The following NR2E1 variants were observed in gnomAD, a reference collection of about 807,000 sequenced individuals.
NR2E1 encodes the protein nuclear receptor TLX.
A neutral mutation model predicts 43.6 loss-of-function variants in NR2E1; 5 were observed. That is an observed-to-expected ratio of 0.11 (90% CI 0.06 to 0.24). The LOEUF (loss-of-function observed/expected upper bound fraction) is 0.24. NR2E1 is among the 10% of genes least tolerant of loss of function. The pLI is 1.00. For synonymous variants in NR2E1, 191 were observed against 195.5 expected, an observed-to-expected ratio of 0.98 and a Z score of 0.19; for missense variants, 287 against 496.7, an observed-to-expected ratio of 0.58 and a Z score of 4.01.
intron 4 of NR2E1, among the ~76,000 whole-genome samples, chr6:108,177,677 T>C (rs1773922055): frequency 1.3e-5 from 2 of 152,262 alleles, no homozygotes; most frequent in Admixed American, 6.5e-5. Flanking sequence ...ATACTAATCC[T>C]TTCTAAAAAT....
At position 108,188,539 on chromosome 6, in the gene NR2E1, A is replaced by G. The variant is rs1774113409; in HGVS notation, c.*1076A>G. The G allele has an allele frequency of 6.5e-6, 1 of 152,758 alleles. No individual in the cohort carries two copies. 9.5% of individuals were successfully genotyped at this position (152,758 alleles called of 1,614,324 possible). On this transcript the variant is annotated 3_prime_UTR_variant, in exon 9 of 9. Transcript: ENST00000368986. ...CACACACACACACACACACACACAC[A>G]CACACACACACACCGTCCTACACTT...
chr6:108,183,077 A>G (rs1774018361), intron 8 of NR2E1, among the ~76,000 whole-genome samples: 1 of 152,184 alleles, frequency 6.6e-6, no homozygotes, highest in Admixed American at 6.5e-5. Context: ...GTGTCATAAC[A>G]TCTACCAGGT....
intron 8 of NR2E1, among the ~76,000 whole-genome samples, chr6:108,182,604 G>A (rs1774010325): frequency 6.7e-6 from 1 of 148,934 alleles, no homozygotes; most frequent in Non-Finnish European, 1.5e-5. Flanking sequence ...TTTCACCCAG[G>A]CTGGAGTGTA....
intron 2 of NR2E1, among the ~76,000 whole-genome samples, chr6:108,173,931 G>T (rs1032355560): frequency 8.5e-5 from 13 of 152,122 alleles, no homozygotes; most frequent in Admixed American, 6.5e-5. Context: ...AATTTCTCAT[G>T]CATCTCAGAT....
intron 2 of NR2E1, among the ~76,000 whole-genome samples, chr6:108,174,559 C>T (rs1450227705): frequency 6.6e-6 from 1 of 152,134 alleles, no homozygotes; most frequent in African/African-American, 2.4e-5. Flanking sequence ...ACCCGGCTCT[C>T]TAAGCTTCAC....
rs1582440636 is a variant in NR2E1 at position 108,169,243 on chromosome 6, G to C, written c.26-2215G>C. On this transcript the variant is annotated intron_variant, in intron 1 of 8. Coordinates refer to ENST00000368986, the MANE Select transcript of NR2E1 (RefSeq NM_003269.5). The surrounding 1 kb of genome is among the most constrained non-coding windows in gnomAD (Gnocchi z 6.1). ...CGGTTGCCTGTTTCTAATCTGCCCC[G>C]GGAGCCGCGGCTCAGAGGTCTGCTC... Among the ~76,000 whole-genome samples, 1 of 152,144 alleles carries C rather than the reference G, an allele frequency of 6.6e-6. No individual in the cohort carries two copies. The highest frequency in any genetic ancestry group is 6.5e-5 in the Admixed American group (1 of 15,288).
At position 108,166,551 on chromosome 6, in the gene NR2E1, C is replaced by T; in HGVS notation, c.-215C>T. On this transcript the variant is annotated 5_prime_UTR_variant, in exon 1 of 9. Coordinates refer to ENST00000368986, the MANE Select transcript of NR2E1 (RefSeq NM_003269.5). The surrounding 1 kb of genome is among the most constrained non-coding windows in gnomAD (Gnocchi z 7.2). ...CCAGCAGCTGCGGTTTTGCAAGAGC[C>T]GGGAAGAAACTTAAGGATGCTTAAA... 1 of 506,094 alleles carries T rather than the reference C, an allele frequency of 2.0e-6. No individual in the cohort carries two copies. The highest frequency in any genetic ancestry group is 3.4e-6 in the Non-Finnish European group (1 of 291,912). 31.4% of individuals were successfully genotyped at this position (506,094 alleles called of 1,614,324 possible). A position where few individuals can be genotyped will look rare whatever the true frequency, so the allele number is the denominator to read the frequency against.
Position 108,168,895 on chromosome 6 carries a change from A to G in NR2E1, c.25+2105A>G, listed in dbSNP as rs2114669786. Reference sequence around the variant, plus strand: ...CTGGCCAGTCACCCCTGCAGCCCAGACTAACTTCTTTCAACAGCCTCTGAT... The same window carrying G: ...CTGGCCAGTCACCCCTGCAGCCCAGGCTAACTTCTTTCAACAGCCTCTGAT... On this transcript the variant is annotated intron_variant, in intron 1 of 8. Transcript: ENST00000368986. 2.0e-5 allele frequency: 3 copies of G among 152,456 alleles called. No individual in the cohort carries two copies. In the Middle Eastern group the frequency reaches 0.01, roughly 519 times the overall value. The allele number at this position is 152,456 out of a possible 1,614,324, so 9.4% of individuals were successfully genotyped here. A position where few individuals can be genotyped will look rare whatever the true frequency, so the allele number is the denominator to read the frequency against.
intron 4 of NR2E1, among the ~76,000 whole-genome samples, chr6:108,177,179 A>G (rs1480046167): frequency 6.6e-6 from 1 of 152,232 alleles, no homozygotes; most frequent in Non-Finnish European, 1.5e-5. Context: ...AGGGCTCCAG[A>G]ATTCCAAATC....
intron 4 of NR2E1, among the ~76,000 whole-genome samples, chr6:108,177,101 G>A (rs1773912671): frequency 2.6e-5 from 4 of 152,192 alleles, no homozygotes. Context: ...GGCAGCCTCA[G>A]GTGTTCCTAA....
At chr6:108,170,498 C>G (rs1414480487) in intron 1 of NR2E1, among the ~76,000 whole-genome samples, 2 of 150,524 alleles carry the variant, frequency 1.3e-5, no homozygotes, top group Admixed American at 6.6e-5. Flanking sequence ...CCTCCAGGGT[C>G]GGTGGCCACC....
At chr6:108,176,402 C>T (rs990324418) in intron 3 of NR2E1, 101 bp from the exon 4 acceptor site, 4 of 1,228,522 alleles carry the variant, frequency 3.3e-6, no homozygotes, top group Admixed American at 2.1e-5. Context: ...CGATTTTGCC[C>T]GCCCAGACTT....
intron 8 of NR2E1, 61 bp downstream of exon 8, chr6:108,181,712 G>T: frequency 8.0e-7 from 1 of 1,246,624 alleles, no homozygotes; most frequent in Non-Finnish European, 1.2e-6. Context: ...GAATGCCTGA[G>T]CAGGCGGTAA....
chr6:108,181,121 T>C (rs1773978235), intron 7 of NR2E1, among the ~76,000 whole-genome samples, 165 bp downstream of exon 7: 1 of 152,224 alleles, frequency 6.6e-6, no homozygotes, highest in Non-Finnish European at 1.5e-5. Flanking sequence ...GGAACCTGCA[T>C]GTTCTGCTGG....
chr6:108,174,999 C>T, intron 3 of NR2E1, 76 bp downstream of exon 3: 1 of 1,341,590 alleles, frequency 7.5e-7, no homozygotes, highest in Non-Finnish European at 1.1e-6. Context: ...ACATGGCACT[C>T]CTATGCATGT....
At chr6:108,178,357 A>G (rs1284696019) in intron 5 of NR2E1, 116 bp downstream of exon 5, 5 of 1,062,756 alleles carry the variant, frequency 4.7e-6, no homozygotes, top group Non-Finnish European at 7.2e-6. Context: ...ATCCATTCTT[A>G]ATAGCAGTGA....
intron 2 of NR2E1, among the ~76,000 whole-genome samples, chr6:108,173,578 G>A (rs1461250364): frequency 6.6e-6 from 1 of 152,162 alleles, no homozygotes; most frequent in African/African-American, 2.4e-5. Context: ...GCATTCGAAT[G>A]TGTAATTTTC....
intron 1 of NR2E1, among the ~76,000 whole-genome samples, chr6:108,167,484 C>T (rs1393873829): frequency 6.6e-6 from 1 of 152,150 alleles, no homozygotes; most frequent in African/African-American, 2.4e-5. Context: ...GCTCTCCGAA[C>T]GCCAGGCCGC....
chr6:108,183,787 A>C (rs1369686587), intron 8 of NR2E1, among the ~76,000 whole-genome samples: 1 of 152,230 alleles, frequency 6.6e-6, no homozygotes, highest in Non-Finnish European at 1.5e-5. Flanking sequence ...TTTCAAATTA[A>C]AATGCCAGGA....
Sources: allele counts gnomAD v4.1 joint callset (sites outside exome capture counted in the v4.1 genomes callset), GRCh38; gene constraint gnomAD v4.1.1; non-coding constraint Gnocchi (gnomAD v3.1); transcripts MANE v1.5; gene names NCBI Gene and HGNC (gene_info 2026-07-23, HGNC 2026-07-21).